DSCAM: variants seen among roughly 807,000 people sequenced by gnomAD.
DSCAM encodes cell adhesion molecule DSCAM.
In DSCAM, 47 loss-of-function variants were observed where a neutral mutation model predicts 217.7. That is an observed-to-expected ratio of 0.22 (90% CI 0.17 to 0.28). DSCAM has a LOEUF of 0.28. DSCAM is among the 10% of genes least tolerant of loss of function. The pLI, the probability that DSCAM is intolerant of heterozygous loss-of-function variation, is 1.00. For missense variants in DSCAM, 2,080 were observed against 2,618.3 expected, an observed-to-expected ratio of 0.79 and a Z score of 4.49; for synonymous variants, 1,056 against 1,015.3, an observed-to-expected ratio of 1.04 and a Z score of -0.76.
intron 11 of DSCAM, among the ~76,000 whole-genome samples, chr21:40,217,387 A>G (rs192945792): frequency 2.8e-4 from 42 of 152,340 alleles, no homozygotes; most frequent in Middle Eastern, 3.4e-3. Context: ...ATATATGTAT[A>G]CATATACTTT....
chr21:40,305,333 T>C (rs1449558393), intron 9 of DSCAM, among the ~76,000 whole-genome samples: 1 of 140,418 alleles, frequency 7.1e-6, no homozygotes, highest in Non-Finnish European at 1.5e-5. Flanking sequence ...GAGGTTGCAG[T>C]GAGTGGAGAT....
intron 3 of DSCAM, among the ~76,000 whole-genome samples, chr21:40,686,275 C>T (rs1031140739): frequency 6.6e-6 from 1 of 150,584 alleles, no homozygotes; most frequent in Non-Finnish European, 1.5e-5. Flanking sequence ...ACACACCCCA[C>T]ACACATACAG....
In DSCAM at chr21:40,564,854, T is replaced by C. The variant is rs576918641; in HGVS notation, c.508+127956A>G. 2.1e-4 allele frequency among the ~76,000 whole-genome samples: 32 copies of C among 151,228 alleles called. No homozygotes were observed. In the South Asian group the frequency reaches 6.4e-3, roughly 30 times the overall value. Reference sequence around the variant, plus strand: ...ATACCTAATTAGGGTGAGAAGCTGCTTGGCAATAAGGAGAACTGGTGTGCC... The same window carrying C: ...ATACCTAATTAGGGTGAGAAGCTGCCTGGCAATAAGGAGAACTGGTGTGCC... On this transcript the variant is annotated intron_variant, in intron 3 of 32. Coordinates refer to ENST00000400454, the MANE Select transcript of DSCAM (RefSeq NM_001389.5).
chr21:40,768,494 C>A (rs916749522), intron 1 of DSCAM, among the ~76,000 whole-genome samples: 1 of 152,242 alleles, frequency 6.6e-6, no homozygotes, highest in East Asian at 1.9e-4. Flanking sequence ...TCTTCTCTAT[C>A]CCTCCCAGTA....
rs184419739 is a variant in DSCAM, at chr21:40,655,352, G to A, written c.508+37458C>T. ...CAGACAGATTTGGTGTCTAGGCAAG[G>A]CTTCCTCTCTGCTTCTAAAATGTCA... is the stretch of plus-strand genomic sequence containing the variant. On this transcript the variant is annotated intron_variant, in intron 3 of 32. Transcript: ENST00000400454. 1.4e-4 allele frequency among the ~76,000 whole-genome samples: 22 copies of A among 152,226 alleles called. No individual in the cohort carries two copies. In the East Asian group the frequency reaches 3.7e-3, roughly 25 times the overall value.
intron 14 of DSCAM, among the ~76,000 whole-genome samples, chr21:40,182,670 A>AGGAGGGGGTTACCAGAGAAACCGTGGAC (rs2090831457): frequency 5.9e-5 from 1 of 17,034 alleles, no homozygotes; most frequent in Non-Finnish European, 1.1e-4. Flanking sequence ...AACCGTGGAC[A>AGGAGGGGGTTACCAGAGAAACCGTGGAC]GGGGGGGGTT....
intron 13 of DSCAM, 65 bp downstream of exon 13, chr21:40,187,826 G>A: frequency 7.3e-7 from 1 of 1,378,022 alleles, no homozygotes; most frequent in Middle Eastern, 1.8e-4. Flanking sequence ...AGATGCCTGA[G>A]GCTGAGCATA....
intron 4 of DSCAM, among the ~76,000 whole-genome samples, chr21:40,358,214 C>T (rs1037474134): frequency 4.6e-5 from 7 of 152,196 alleles, no homozygotes; most frequent in Non-Finnish European, 8.8e-5. Context: ...TTTATTCTAA[C>T]TGAAACTTGG....
At chr21:40,308,834 T>A (rs1231564227) in intron 9 of DSCAM, among the ~76,000 whole-genome samples, 1 of 152,144 alleles carries the variant, frequency 6.6e-6, no homozygotes, top group African/African-American at 2.4e-5. Flanking sequence ...TAATTTTTGT[T>A]TTTCCACTTC....
intron 11 of DSCAM, 69 bp downstream of exon 11, chr21:40,276,028 T>C (rs879129002): frequency 8.3e-6 from 12 of 1,441,584 alleles, no homozygotes; most frequent in Middle Eastern, 1.9e-4. Context: ...ATGGAGACAA[T>C]TGAAAAAGGA....
chr21:40,224,018 T>G (rs1016374506), intron 11 of DSCAM, among the ~76,000 whole-genome samples: 10 of 152,226 alleles, frequency 6.6e-5, no homozygotes, highest in Non-Finnish European at 1.2e-4. Flanking sequence ...GAAATCAGGA[T>G]GAAGCAAAAT....
At chr21:40,674,609 A>ATTTTCT (rs1345568898) in intron 3 of DSCAM, among the ~76,000 whole-genome samples, 3 of 125,156 alleles carry the variant, frequency 2.4e-5, no homozygotes, top group African/African-American at 9.0e-5. Flanking sequence ...CATTAAAGGT[A>ATTTTCT]TTTTCTTTTT....
At chr21:40,401,893 G>A (rs1256239849) in intron 3 of DSCAM, among the ~76,000 whole-genome samples, 2 of 151,872 alleles carry the variant, frequency 1.3e-5, no homozygotes, top group African/African-American at 2.4e-5. Flanking sequence ...TCCAGAAGTC[G>A]GCCCAGCCTT....
In DSCAM at chr21:40,143,739, C is replaced by T. The variant is rs530380185; in HGVS notation, c.3259+752G>A. Among the ~76,000 whole-genome samples, 64 of 152,250 alleles carry T rather than the reference C, an allele frequency of 4.2e-4. No homozygotes were observed. The East Asian group carries it at 0.012, about 28-fold the overall frequency. On this transcript the variant is annotated intron_variant, in intron 17 of 32. Transcript: ENST00000400454. ...CCGGGAGGCGGAGCTTGCAGCGAGC[C>T]AAGATCGCGCCACTGCACTCCAGCC...
intron 2 of DSCAM, among the ~76,000 whole-genome samples, chr21:40,702,342 T>A (rs1345969330): frequency 6.6e-6 from 1 of 152,220 alleles, no homozygotes; most frequent in African/African-American, 2.4e-5. Flanking sequence ...ACGAGCTTAT[T>A]GTCACAAATG....
intron 3 of DSCAM, among the ~76,000 whole-genome samples, chr21:40,650,145 C>A (rs910931331): frequency 2.0e-5 from 3 of 151,996 alleles, no homozygotes; most frequent in African/African-American, 7.2e-5. Flanking sequence ...TTTAATTGAA[C>A]TGCTTCCCAA....
intron 3 of DSCAM, among the ~76,000 whole-genome samples, chr21:40,464,751 T>TTG (rs2075830898): frequency 6.6e-6 from 1 of 151,790 alleles, no homozygotes; most frequent in South Asian, 2.1e-4. Flanking sequence ...ATCTTTTTTT[T>TTG]TTTTTTTTGA....
chr21:40,299,242 A>G (rs963940361), intron 9 of DSCAM, among the ~76,000 whole-genome samples: 11 of 152,224 alleles, frequency 7.2e-5, no homozygotes, highest in Non-Finnish European at 1.3e-4. Flanking sequence ...GGAAAATGCT[A>G]TATTTTACTA....
chr21:40,618,091 G>A (rs962552442), intron 3 of DSCAM, among the ~76,000 whole-genome samples: 1 of 152,104 alleles, frequency 6.6e-6, no homozygotes, highest in Admixed American at 6.5e-5. Flanking sequence ...GAGCTGTGCG[G>A]GACTGATTAA....
Sources: allele counts gnomAD v4.1 joint callset (sites outside exome capture counted in the v4.1 genomes callset), GRCh38; gene constraint gnomAD v4.1.1; transcripts MANE v1.5; gene names NCBI Gene and HGNC (gene_info 2026-07-23, HGNC 2026-07-21).